GDPD4: variants seen among roughly 807,000 people sequenced by gnomAD.
The protein encoded by GDPD4 is glycerophosphodiester phosphodiesterase 6.
GDPD4 carries 60 observed loss-of-function variants against 67.8 expected under a neutral mutation model. That is an observed-to-expected ratio of 0.88 (90% CI 0.72 to 1.10). The LOEUF (loss-of-function observed/expected upper bound fraction) is 1.10, where lower values mean the gene tolerates loss of function less well. Among genes scored for constraint, GDPD4 ranks in the 50% least tolerant of loss-of-function variants. The probability of loss-of-function intolerance (pLI) is 0.00; values close to 1 mark genes in which losing one functional copy is unlikely to be tolerated. For synonymous variants in GDPD4, 212 were observed against 210.9 expected, an observed-to-expected ratio of 1.00 and a Z score of -0.04; for missense variants, 623 against 613.9, an observed-to-expected ratio of 1.01 and a Z score of -0.16.
intron 11 of GDPD4, among the ~76,000 whole-genome samples, chr11:77,251,415 G>A (rs1046298653): frequency 4.6e-5 from 7 of 152,070 alleles, no homozygotes; most frequent in East Asian, 1.9e-4. Context: ...TAGCGGTTTT[G>A]CATTCCCCAG....
At chr11:77,245,642 G>A in intron 11 of GDPD4, 140 bp from the exon 12 acceptor site, 1 of 618,310 alleles carries the variant, frequency 1.6e-6, no homozygotes, top group Non-Finnish European at 2.9e-6. Context: ...TAGAAAACAG[G>A]TGACAAGGAG....
chr11:77,232,970 G>C, intron 14 of GDPD4, 55 bp downstream of exon 14: 1 of 1,570,438 alleles, frequency 6.4e-7, no homozygotes, highest in South Asian at 1.1e-5. Flanking sequence ...AGGGCTGGGG[G>C]GCCTGCACTG....
Position 77,233,012 on chromosome 11 carries a change from A to G in GDPD4, c.1389+13T>C. ...TACCAAGCCTGGAAGAACAATCTGG[A>G]CAACCAGCTCACCATGAAGAAGTGA... is the stretch of plus-strand genomic sequence containing the variant. On this transcript the variant is annotated intron_variant, in intron 14 of 16. Coordinates refer to ENST00000315938, the MANE Select transcript of GDPD4 (RefSeq NM_182833.3). 6.2e-7 allele frequency: 1 copy of G among 1,613,598 alleles called. No homozygotes were observed. The highest frequency in any genetic ancestry group is 8.5e-7 in the Non-Finnish European group (1 of 1,179,558).
At chr11:77,285,026 A>T in intron 3 of GDPD4, 59 bp downstream of exon 3, 2 of 1,183,682 alleles carry the variant, frequency 1.7e-6, no homozygotes, top group South Asian at 1.2e-5. Flanking sequence ...GGTAGAATCC[A>T]GGTGGCTATC....
intron 13 of GDPD4, among the ~76,000 whole-genome samples, chr11:77,234,409 A>G (rs1742013358): frequency 6.6e-6 from 1 of 152,194 alleles, no homozygotes; most frequent in South Asian, 2.1e-4. Context: ...TAATACATGG[A>G]TATATTGCAT....
intron 11 of GDPD4, among the ~76,000 whole-genome samples, chr11:77,255,126 C>T (rs1958979763): frequency 6.6e-6 from 1 of 151,638 alleles, no homozygotes; most frequent in Admixed American, 6.6e-5. Flanking sequence ...ACAAGCAAAG[C>T]ACCTAAACAC....
At chr11:77,299,395 G>A (rs954841112) in intron 1 of GDPD4, among the ~76,000 whole-genome samples, 1 of 152,018 alleles carries the variant, frequency 6.6e-6, no homozygotes, top group Admixed American at 6.6e-5. Context: ...ACTGCAATCT[G>A]CTCCCTCCTT....
At chr11:77,271,512 T>C (rs1959226280) in intron 5 of GDPD4, 119 bp from the exon 6 acceptor site, 4 of 647,282 alleles carry the variant, frequency 6.2e-6, no homozygotes, top group East Asian at 2.7e-5. Context: ...CCTCATTCTT[T>C]TACCATAATA....
intron 3 of GDPD4, among the ~76,000 whole-genome samples, chr11:77,283,369 C>G (rs572712582): frequency 3.3e-5 from 5 of 152,152 alleles, no homozygotes; most frequent in Non-Finnish European, 7.3e-5. Flanking sequence ...CTTACCACCA[C>G]CACGCTATTT....
chr11:77,244,010 TTTTC>T (rs1324639213), intron 12 of GDPD4, among the ~76,000 whole-genome samples, 162 bp from the exon 13 acceptor site: 4 of 151,982 alleles, frequency 2.6e-5, no homozygotes, highest in Non-Finnish European at 1.5e-5. Flanking sequence ...TGGGCTAGTA[TTTTC>T]TTTGTTTTGT....
intron 1 of GDPD4, among the ~76,000 whole-genome samples, chr11:77,295,155 T>G (rs1937912004): frequency 6.6e-6 from 1 of 151,394 alleles, no homozygotes; most frequent in South Asian, 2.1e-4. Context: ...GTTGTTTTTG[T>G]TTTTGTATTT....
At chr11:77,299,506 C>T (rs941987346) in intron 1 of GDPD4, among the ~76,000 whole-genome samples, 3 of 152,070 alleles carry the variant, frequency 2.0e-5, no homozygotes, top group Admixed American at 1.3e-4. Context: ...TCTTTACCTC[C>T]TAGAGCGTAT....
chr11:77,262,854 C>CAAAAAAAAA lies in GDPD4; in HGVS notation c.708-4321_708-4313dup, dbSNP rs67911054. ...TCTATCACTAAATCTTTCTCTGCTG[C>CAAAAAAAAA]AAAAAAAAAAAAAAAAAAAAAAAGG... On this transcript the variant is annotated intron_variant, in intron 10 of 16. Transcript: ENST00000315938. Among the ~76,000 whole-genome samples the CAAAAAAAAA allele has an allele frequency of 7.5e-5, 5 of 67,004 alleles. 1 individual carries two copies. The highest frequency in any genetic ancestry group is 2.0e-4 in the African/African-American group (3 of 14,898). The allele number at this position is 67,004 out of a possible 152,430, so 44.0% of individuals were successfully genotyped here.
chr11:77,249,693 A>G (rs1958851669), intron 11 of GDPD4, among the ~76,000 whole-genome samples: 1 of 152,130 alleles, frequency 6.6e-6, no homozygotes, highest in Admixed American at 6.5e-5. Flanking sequence ...ATCACTGACA[A>G]ATTCCTGGAG....
chr11:77,258,474 T>C lies in GDPD4; in HGVS notation c.776A>G (p.Gln259Arg). 6.2e-7 allele frequency: 1 copy of C among 1,614,092 alleles called. No individual in the cohort carries two copies. The highest frequency in any genetic ancestry group is 1.3e-5 in the African/African-American group (1 of 75,052). Residue 259 changes from glutamine to arginine, a missense_variant, in exon 11 of 17, where the codon CAG becomes CGG. Physicochemically the swap from Gln to Arg is conservative, Grantham distance 43. Transcript: ENST00000315938. ...LKRTTNIGEV[Q>R]PESACENPAF... ...AGGGTTCTCGCAGGCAGATTCTGGC[T>C]GAACTTCCCCAATATTGGTTGTTCT...
chr11:77,219,588 C>G (rs1958187793), intron 16 of GDPD4, among the ~76,000 whole-genome samples: 1 of 152,186 alleles, frequency 6.6e-6, no homozygotes, highest in African/African-American at 2.4e-5. Context: ...TTTCAGCTTT[C>G]TACATATGGC....
chr11:77,251,729 T>C (rs1295203771), intron 11 of GDPD4, among the ~76,000 whole-genome samples: 1 of 152,216 alleles, frequency 6.6e-6, no homozygotes, highest in African/African-American at 2.4e-5. Flanking sequence ...TAGATCTATA[T>C]GTCCACCCCT....
At position 77,217,185 on chromosome 11, in the gene GDPD4, T is replaced by C. The variant is rs778704867; in HGVS notation, c.*92A>G. 2.1e-6 allele frequency: 2 copies of C among 961,926 alleles called. No homozygotes were observed. Among genetic ancestry groups the C allele is most frequent in the Non-Finnish European group, 3.4e-6 (2 of 584,172 alleles). The allele number at this position is 961,926 out of a possible 1,614,324, so 59.6% of individuals were successfully genotyped here. ...AAATGGCCTTGGTGTTCCTTTCCACTCTTGGGTAGAGCCGGGTAGAGGGCT... is the reference window on the plus strand; with the variant it reads ...AAATGGCCTTGGTGTTCCTTTCCACCCTTGGGTAGAGCCGGGTAGAGGGCT... On this transcript the variant is annotated 3_prime_UTR_variant, in exon 17 of 17. Transcript: ENST00000315938.
chr11:77,233,678 C>T (rs1157453778), intron 13 of GDPD4, among the ~76,000 whole-genome samples: 5 of 152,120 alleles, frequency 3.3e-5, no homozygotes, highest in Admixed American at 6.5e-5. Flanking sequence ...CTTATCACCC[C>T]GTACTCGAAT....
Sources: allele counts gnomAD v4.1 joint callset (sites outside exome capture counted in the v4.1 genomes callset), GRCh38; gene constraint gnomAD v4.1.1; transcripts MANE v1.5; gene names NCBI Gene and HGNC (gene_info 2026-07-23, HGNC 2026-07-21).